The following CFAP54 variants were observed in gnomAD, a reference collection of about 807,000 sequenced individuals.
The protein encoded by CFAP54 is cilia and flagella associated protein 54, also known as cilia- and flagella-associated protein 54.
In CFAP54, 290 loss-of-function variants were observed where a neutral mutation model predicts 370.4. The observed-to-expected ratio is 0.78, with a 90% CI of 0.71 to 0.86. CFAP54 has a LOEUF of 0.86. CFAP54 is among the 40% of genes least tolerant of loss of function. The pLI, the probability that CFAP54 is intolerant of heterozygous loss-of-function variation, is 0.00. For missense variants in CFAP54, 3,399 were observed against 3,528.7 expected, an observed-to-expected ratio of 0.96 and a Z score of 0.93; for synonymous variants, 1,206 against 1,236.5, an observed-to-expected ratio of 0.98 and a Z score of 0.52.
Position 96,489,635 on chromosome 12 carries a change from G to C in CFAP54, c.26G>C (p.Ser9Thr), listed in dbSNP as rs1954853624. 1 of 1,527,374 alleles carries C rather than the reference G, an allele frequency of 6.5e-7. No homozygotes were observed. The highest frequency in any genetic ancestry group is 2.0e-5 in the Admixed American group (1 of 50,716). 94.6% of individuals were successfully genotyped at this position (1,527,374 alleles called of 1,614,324 possible). Residue 9 changes from serine to threonine, a missense_variant, in exon 1 of 68, where the codon AGC (serine) becomes ACC (threonine). Physicochemically the swap from Ser to Thr is moderately conservative, Grantham distance 58. Transcript: ENST00000524981. ...ATGGCGGCGCAGGGCTCCCCCTCGA[G>C]CTCTCCGTCAGACGACTCTACCACC... MAAQGSPS[S>T]SPSDDSTTSG...
chr12:96,695,627 C>T (rs1405184479), intron 45 of CFAP54, among the ~76,000 whole-genome samples: 2 of 152,160 alleles, frequency 1.3e-5, no homozygotes, highest in Non-Finnish European at 2.9e-5. Flanking sequence ...AGGCTAGGAT[C>T]TGTATCTTAT....
rs2136410977 is a variant in CFAP54, at chr12:96,564,671, A to G, written c.2525A>G (p.Lys842Arg). 1.6e-6 allele frequency: 1 copy of G among 640,496 alleles called. No individual in the cohort carries two copies. Among genetic ancestry groups the G allele is most frequent in the African/African-American group, 1.8e-5 (1 of 54,436 alleles). 39.7% of individuals were successfully genotyped at this position (640,496 alleles called of 1,614,324 possible). The change falls in exon 19 of 68, where the codon AAG (lysine) becomes AGG (arginine). Residue 842 changes from lysine (K) to arginine (R), a missense_variant. Physicochemically the swap from Lys to Arg is conservative, Grantham distance 26. This residue lies in a region of CFAP54 where 2,796 missense variants were observed against 2,869.7 expected (regional missense o/e 0.97). Coordinates refer to ENST00000524981, the MANE Select transcript of CFAP54 (RefSeq NM_001306084.2). ...TTAAATATAATGAATAAAATAAAGA[A>G]GAATACATTATCCAAAGCAATTTAC... ...TELNIMNKIK[K>R]NTLSKAIYLM...
chr12:96,796,288 A>G lies in CFAP54; in HGVS notation c.8850+3789A>G, dbSNP rs180971833. ...ACTGCAAGTTCGGCCTATCTCCTAT[A>G]TGCCATTCTTGCTCTTATTATGCTT... On this transcript the variant is annotated intron_variant, in intron 63 of 67. Coordinates refer to ENST00000524981, the MANE Select transcript of CFAP54 (RefSeq NM_001306084.2). 2.6e-5 allele frequency among the ~76,000 whole-genome samples: 4 copies of G among 152,264 alleles called. No individual in the cohort carries two copies. In the East Asian group the frequency reaches 7.7e-4, roughly 29 times the overall value.
At position 96,630,603 on chromosome 12, in the gene CFAP54, A is replaced by G; in HGVS notation, c.4268A>G (p.Asp1423Gly). 1 of 1,509,846 alleles carries G rather than the reference A, an allele frequency of 6.6e-7. No individual in the cohort carries two copies. The highest frequency in any genetic ancestry group is 8.8e-7 in the Non-Finnish European group (1 of 1,134,616). 93.5% of individuals were successfully genotyped at this position (1,509,846 alleles called of 1,614,324 possible). The change falls in exon 32 of 68, where the codon GAT (aspartate) becomes GGT (glycine). Residue 1423 changes from aspartate to glycine, a missense_variant. By Grantham distance (94) the Asp-to-Gly change is moderately conservative. Around this residue, in one of 3 missense-constraint regions of CFAP54, gnomAD observed 2,796 missense variants for 2,869.7 expected, o/e 0.97. Transcript: ENST00000524981. ...AGTAAAAAAAAGGAAACTCTAAGAG[A>G]TTTCATTTTTAAAAATCCGGCTATT... ...IRSKKKETLRDFIFKNPAISE... is the reference protein window; with the variant it reads ...IRSKKKETLRGFIFKNPAISE...
At chr12:96,595,137 T>C (rs1956164248) in intron 25 of CFAP54, among the ~76,000 whole-genome samples, 1 of 152,178 alleles carries the variant, frequency 6.6e-6, no homozygotes, top group African/African-American at 2.4e-5. Flanking sequence ...AGGTTTTACA[T>C]AGGAGGTCCT....
chr12:96,675,144 A>T (rs1810244130), intron 39 of CFAP54, among the ~76,000 whole-genome samples: 1 of 152,088 alleles, frequency 6.6e-6, no homozygotes, highest in Non-Finnish European at 1.5e-5. Flanking sequence ...ATCAGAGTGA[A>T]CAGGCAACCT....
chr12:96,826,456 A>G (rs1234964170), intron 65 of CFAP54, among the ~76,000 whole-genome samples: 2 of 122,502 alleles, frequency 1.6e-5, no homozygotes, highest in African/African-American at 3.1e-5. Flanking sequence ...CATATATGTT[A>G]TTTACTATAT....
At chr12:96,697,767 C>T (rs1957451881) in intron 45 of CFAP54, among the ~76,000 whole-genome samples, 2 of 152,168 alleles carry the variant, frequency 1.3e-5, no homozygotes, top group African/African-American at 2.4e-5. Flanking sequence ...TACAAAGTCA[C>T]TAGATAGCTT....
chr12:96,818,320 T>G (rs1170032408), intron 65 of CFAP54, among the ~76,000 whole-genome samples: 1 of 152,228 alleles, frequency 6.6e-6, no homozygotes, highest in African/African-American at 2.4e-5. Context: ...ACTTTTTATA[T>G]TACATATATT....
At chr12:96,822,029 G>A (rs1959041219) in intron 65 of CFAP54, among the ~76,000 whole-genome samples, 1 of 152,056 alleles carries the variant, frequency 6.6e-6, no homozygotes, top group African/African-American at 2.4e-5. Flanking sequence ...AAACCCTAGG[G>A]TCCAGAATAA....
rs147886237 is a variant in CFAP54 at position 96,832,231 on chromosome 12, G to C, written c.9171+3143G>C. ...TCCACCATGATTGTGAGGCCTCTCA[G>C]CCACATGGAACTATAAGTGCTTTAA... On this transcript the variant is annotated intron_variant, in intron 66 of 67. Coordinates refer to ENST00000524981, the MANE Select transcript of CFAP54 (RefSeq NM_001306084.2). 5.5e-3 allele frequency among the ~76,000 whole-genome samples: 829 copies of C among 150,390 alleles called. 8 individuals carry two copies. The highest frequency in any genetic ancestry group is 0.018 in the African/African-American group (746 of 40,870).
At chr12:96,567,775 G>T (rs1290216783) in intron 19 of CFAP54, among the ~76,000 whole-genome samples, 2 of 152,018 alleles carry the variant, frequency 1.3e-5, no homozygotes, top group Non-Finnish European at 2.9e-5. Flanking sequence ...GTATGTGTCT[G>T]CCTCCCGCCA....
At chr12:96,769,298 T>A (rs933355207) in intron 60 of CFAP54, among the ~76,000 whole-genome samples, 13 of 152,262 alleles carry the variant, frequency 8.5e-5, no homozygotes, top group Non-Finnish European at 1.6e-4. Context: ...TGGTCCCAGA[T>A]GCAGCCTCTT....
chr12:96,700,880 C>T (rs1003738179), intron 46 of CFAP54, among the ~76,000 whole-genome samples: 3 of 152,024 alleles, frequency 2.0e-5, no homozygotes, highest in African/African-American at 4.8e-5. Flanking sequence ...AGGCACAATA[C>T]CAGCTGGTTG....
rs1164794833 is a variant in CFAP54 at position 96,830,529 on chromosome 12, AATT to A, written c.9171+1445_9171+1447del. On this transcript the variant is annotated intron_variant, in intron 66 of 67. Coordinates refer to ENST00000524981, the MANE Select transcript of CFAP54 (RefSeq NM_001306084.2). ...ATCTTCTTTAGATAAATATCTCTTCAATTATTCACCCATTTTAAAATTGGTATA... is the reference window on the plus strand; with the variant it reads ...ATCTTCTTTAGATAAATATCTCTTCAATTCACCCATTTTAAAATTGGTATA... Among the ~76,000 whole-genome samples, 3 of 152,228 alleles carry A rather than the reference AATT, an allele frequency of 2.0e-5. No individual in the cohort carries two copies. The East Asian group carries it at 5.8e-4, about 29-fold the overall frequency.
intron 50 of CFAP54, among the ~76,000 whole-genome samples, chr12:96,728,029 T>C (rs1188268715): frequency 6.6e-6 from 1 of 152,178 alleles, no homozygotes; most frequent in African/African-American, 2.4e-5. Flanking sequence ...GCTTGTAGAG[T>C]TTCTGCTGAG....
At chr12:96,522,361 A>T (rs190285797) in intron 8 of CFAP54, among the ~76,000 whole-genome samples, 172 bp downstream of exon 8, 182 of 152,352 alleles carry the variant, frequency 1.2e-3, no homozygotes, top group Non-Finnish European at 2.1e-3. Flanking sequence ...GCCTCGCTTC[A>T]TCTCTTTCTC....
chr12:96,673,622 T>G (rs889712744), intron 39 of CFAP54, among the ~76,000 whole-genome samples: 10 of 152,346 alleles, frequency 6.6e-5, no homozygotes, highest in Middle Eastern at 3.4e-3. Context: ...TCCAGTATAC[T>G]GAACTCAGAT....
At chr12:96,766,157 T>C (rs541775235) in intron 60 of CFAP54, among the ~76,000 whole-genome samples, 61 of 152,208 alleles carry the variant, frequency 4.0e-4, no homozygotes, top group Non-Finnish European at 8.1e-4. Context: ...CATTGTTGGG[T>C]CAGCCTTAGT....
Sources: gnomAD v4.1 joint callset for allele counts (sites outside exome capture counted in the v4.1 genomes callset) on GRCh38, gnomAD v4.1.1 for gene constraint, gnomAD v4.1.1 regional missense constraint, MANE v1.5 for transcripts, NCBI Gene and HGNC (gene_info 2026-07-23, HGNC 2026-07-21) for gene names.